Variants in CSMD1 observed in about 807,000 individuals in gnomAD.
CSMD1 encodes CUB and sushi domain-containing protein 1.
Under a neutral mutation model 417.5 loss-of-function variants are expected in CSMD1, and 213 were observed. The ratio of observed to expected loss-of-function variants is 0.51; its 90% CI spans 0.46 to 0.57. CSMD1 has a LOEUF of 0.57. CSMD1 is among the 20% of genes least tolerant of loss of function. The pLI is 0.00. For synonymous variants in CSMD1, 2,862 were observed against 1,736.8 expected (o/e 1.65, Z -16.11); for missense variants, 6,923 against 4,529.7 (o/e 1.53, Z -15.17).
chr8:3,440,400 TTGAG>T (rs951713695), intron 12 of CSMD1, among the ~76,000 whole-genome samples: 4 of 152,166 alleles, frequency 2.6e-5, no homozygotes, highest in Admixed American at 2.6e-4. Context: ...TTACATTGTT[TTGAG>T]TGATTATAAA....
intron 1 of CSMD1, among the ~76,000 whole-genome samples, chr8:4,828,127 T>C (rs1474270977): frequency 6.6e-6 from 1 of 152,188 alleles, no homozygotes; most frequent in Non-Finnish European, 1.5e-5. Context: ...TTTCCATCAC[T>C]ACAACTTATC....
intron 26 of CSMD1, among the ~76,000 whole-genome samples, chr8:3,274,983 G>C (rs1563213601): frequency 1.3e-5 from 2 of 151,920 alleles, no homozygotes; most frequent in African/African-American, 4.8e-5. Context: ...GATGTTAGCT[G>C]GTTATTTTGC....
intron 37 of CSMD1, among the ~76,000 whole-genome samples, chr8:3,163,956 G>A (rs1413842991): frequency 6.6e-6 from 1 of 152,206 alleles, no homozygotes; most frequent in African/African-American, 2.4e-5. Flanking sequence ...TCTCATGCGT[G>A]TTGAGCTAAC....
At chr8:3,760,638 G>C (rs62479668) in intron 5 of CSMD1, among the ~76,000 whole-genome samples, 1 of 152,116 alleles carries the variant, frequency 6.6e-6, no homozygotes, top group African/African-American at 2.4e-5. Context: ...GAAAAATGAA[G>C]AGTCAATTTA....
chr8:4,003,900 C>G (rs1815898461), intron 4 of CSMD1, among the ~76,000 whole-genome samples: 1 of 151,742 alleles, frequency 6.6e-6, no homozygotes, highest in South Asian at 2.1e-4. Flanking sequence ...TCCTCTTTCA[C>G]AGCTACCAAA....
intron 62 of CSMD1, among the ~76,000 whole-genome samples, 180 bp downstream of exon 62, chr8:2,960,961 T>TATATATATATATATATATATATAC (rs1408815262): frequency 3.1e-5 from 4 of 130,862 alleles, no homozygotes; most frequent in South Asian, 2.2e-4. Flanking sequence ...TATATATATA[T>TATATATATATATATATATATATAC]ATATACATAT....
In CSMD1 at chr8:3,925,297, G is replaced by T. The variant is rs149747821; in HGVS notation, c.818+72606C>A. On this transcript the variant is annotated intron_variant, in intron 5 of 69. Coordinates refer to ENST00000635120, the MANE Select transcript of CSMD1 (RefSeq NM_033225.6). ...CGATTGCTACAATAACCCAAGAGGT[G>T]AAGCATCAGAGTAAAGTACTTGTGC... Among the ~76,000 whole-genome samples, 70 of 152,300 alleles carry T rather than the reference G, an allele frequency of 4.6e-4. 1 individual carries two copies. Among genetic ancestry groups the T allele is most frequent in the Non-Finnish European group, 4.9e-4 (33 of 68,034 alleles).
intron 1 of CSMD1, among the ~76,000 whole-genome samples, chr8:4,930,978 T>C (rs574352861): frequency 6.6e-4 from 100 of 152,160 alleles, no homozygotes; most frequent in Middle Eastern, 3.4e-3. Context: ...GATTTAAAAA[T>C]AAAAACAGTA....
intron 5 of CSMD1, among the ~76,000 whole-genome samples, chr8:3,769,263 T>C (rs2129058324): frequency 6.6e-6 from 1 of 152,316 alleles, no homozygotes; most frequent in East Asian, 1.9e-4. Flanking sequence ...TTCTTCCATA[T>C]ATATCAGTAA....
intron 7 of CSMD1, among the ~76,000 whole-genome samples, chr8:3,699,839 C>A (rs895987811): frequency 1.3e-5 from 2 of 152,098 alleles, no homozygotes; most frequent in African/African-American, 2.4e-5. Context: ...TCTTCCCACA[C>A]GACACACCAT....
At chr8:3,813,700 C>G (rs763225704) in intron 5 of CSMD1, among the ~76,000 whole-genome samples, 1 of 152,136 alleles carries the variant, frequency 6.6e-6, no homozygotes, top group Non-Finnish European at 1.5e-5. Flanking sequence ...CAATATTCAA[C>G]TATTCACTCC....
chr8:3,851,300 T>C (rs952182106), intron 5 of CSMD1, among the ~76,000 whole-genome samples: 13 of 152,228 alleles, frequency 8.5e-5, no homozygotes, highest in African/African-American at 4.8e-5. Flanking sequence ...TCTTTTCATA[T>C]TGACATTACA....
chr8:3,713,333 T>C (rs1200096798), intron 6 of CSMD1, among the ~76,000 whole-genome samples: 1 of 152,240 alleles, frequency 6.6e-6, no homozygotes, highest in African/African-American at 2.4e-5. Context: ...TATATTTGAA[T>C]GGCAGTGGAT....
intron 2 of CSMD1, among the ~76,000 whole-genome samples, chr8:4,540,136 G>C (rs1354152690): frequency 6.6e-6 from 1 of 152,290 alleles, no homozygotes; most frequent in African/African-American, 2.4e-5. Flanking sequence ...ACCGAAAGTG[G>C]TTGGCGTGCA....
rs1461794540 is a variant in CSMD1 at position 4,265,585 on chromosome 8, T to C, written c.415+154368A>G. Reference sequence around the variant, plus strand: ...CTCCTATGTTTTATGCTATATTTTATGGAATACAAAACAAGGATAATTATT... The same window carrying C: ...CTCCTATGTTTTATGCTATATTTTACGGAATACAAAACAAGGATAATTATT... On this transcript the variant is annotated intron_variant, in intron 3 of 69. Transcript: ENST00000635120. 2.8e-5 allele frequency among the ~76,000 whole-genome samples: 3 copies of C among 105,348 alleles called. 1 individual carries two copies. The highest frequency in any genetic ancestry group is 7.6e-5 in the Non-Finnish European group (3 of 39,230). The allele number at this position is 105,348 out of a possible 152,430, so 69.1% of individuals were successfully genotyped here. A position where few individuals can be genotyped will look rare whatever the true frequency, so the allele number is the denominator to read the frequency against.
At chr8:3,301,293 A>G (rs1434443265) in intron 25 of CSMD1, among the ~76,000 whole-genome samples, 3 of 152,152 alleles carry the variant, frequency 2.0e-5, no homozygotes, top group Non-Finnish European at 4.4e-5. Flanking sequence ...GGGTCTACCC[A>G]GCGAAGGAAC....
At chr8:3,889,013 A>T (rs1376237577) in intron 5 of CSMD1, among the ~76,000 whole-genome samples, 3 of 152,166 alleles carry the variant, frequency 2.0e-5, no homozygotes, top group African/African-American at 7.2e-5. Context: ...AAACTCATTC[A>T]ATTACCATAA....
chr8:3,782,636 A>G (rs999805680), intron 5 of CSMD1, among the ~76,000 whole-genome samples: 2 of 152,234 alleles, frequency 1.3e-5, no homozygotes, highest in African/African-American at 2.4e-5. Flanking sequence ...CCTAGAACTT[A>G]AAGTGTAATT....
intron 41 of CSMD1, among the ~76,000 whole-genome samples, chr8:3,121,389 G>T (rs1355568467): frequency 6.6e-6 from 1 of 152,162 alleles, no homozygotes; most frequent in South Asian, 2.1e-4. Context: ...GAAAAATCGA[G>T]ATCAGAGGAC....
Sources: gnomAD v4.1 joint callset for allele counts (sites outside exome capture counted in the v4.1 genomes callset) on GRCh38, gnomAD v4.1.1 for gene constraint, MANE v1.5 for transcripts, NCBI Gene and HGNC (gene_info 2026-07-23, HGNC 2026-07-21) for gene names.